Variants in TMEM131 observed in about 807,000 individuals in gnomAD.
TMEM131 encodes 2610524E03Rik.
Under a neutral mutation model 211.6 loss-of-function variants are expected in TMEM131, and 66 were observed. That is an observed-to-expected ratio of 0.31 (90% confidence interval 0.26 to 0.38). TMEM131 has a LOEUF of 0.38. Among genes scored for constraint, TMEM131 ranks in the 10% least tolerant of loss-of-function variants. The pLI is 1.00. For missense variants in TMEM131, 2,036 were observed against 2,299.3 expected, an observed-to-expected ratio of 0.89 and a Z score of 2.34; for synonymous variants, 844 against 841.3, an observed-to-expected ratio of 1.00 and a Z score of -0.06.
chr2:97,780,172 T>G (rs1252816485), intron 31 of TMEM131, among the ~76,000 whole-genome samples: 1 of 152,166 alleles, frequency 6.6e-6, no homozygotes, highest in East Asian at 1.9e-4. Context: ...AGGGCCTCAT[T>G]TCCTATTTCT....
At chr2:97,978,080 C>T (rs542256377) in intron 1 of TMEM131, among the ~76,000 whole-genome samples, 4 of 152,032 alleles carry the variant, frequency 2.6e-5, no homozygotes, top group Admixed American at 6.5e-5. Context: ...GAGCAAGACT[C>T]GGTCTTGGGG....
At chr2:97,827,559 T>C (rs1422006373) in intron 11 of TMEM131, 9 of 914,894 alleles carry the variant, frequency 9.8e-6, no homozygotes, top group Non-Finnish European at 1.7e-5. Context: ...AATAACCATA[T>C]ACCATGTCTT....
chr2:97,925,002 C>T lies in TMEM131; in HGVS notation c.249+2424G>A, dbSNP rs530297493. Among the ~76,000 whole-genome samples, 5 of 152,228 alleles carry T rather than the reference C, an allele frequency of 3.3e-5. No homozygotes were observed. In the East Asian group the frequency reaches 7.7e-4, roughly 24 times the overall value. ...TCAAGCGATCCTCCTGCCTCAGACA[C>T]CAGAGTAGCTGGGACCACAGGTGTG... On this transcript the variant is annotated intron_variant, in intron 2 of 40. Transcript: ENST00000186436.
At chr2:97,787,200 G>A (rs1349371000) in intron 31 of TMEM131, among the ~76,000 whole-genome samples, 1 of 152,156 alleles carries the variant, frequency 6.6e-6, no homozygotes, top group Admixed American at 6.5e-5. Flanking sequence ...CATTTACTTC[G>A]TCTTTATCTT....
chr2:97,841,688 C>T (rs1683203815), intron 7 of TMEM131, 127 bp downstream of exon 7: 14 of 1,081,866 alleles, frequency 1.3e-5, no homozygotes, highest in Non-Finnish European at 1.7e-5. Flanking sequence ...AAGTAATACC[C>T]CTCTCAATAC....
intron 1 of TMEM131, among the ~76,000 whole-genome samples, chr2:97,958,170 G>T (rs987674903): frequency 1.2e-4 from 18 of 152,206 alleles, no homozygotes; most frequent in Admixed American, 1.3e-4. Flanking sequence ...GCATTGAAGA[G>T]AATTAAGAAG....
At chr2:97,801,465 A>G (rs769491272) in intron 25 of TMEM131, among the ~76,000 whole-genome samples, 9 of 152,260 alleles carry the variant, frequency 5.9e-5, no homozygotes, top group Non-Finnish European at 1.2e-4. Context: ...TTACCATGCT[A>G]AATACAAACA....
chr2:97,785,002 T>C (rs1249023376), intron 31 of TMEM131, among the ~76,000 whole-genome samples: 1 of 152,144 alleles, frequency 6.6e-6, no homozygotes, highest in East Asian at 1.9e-4. Context: ...TTCACATAAA[T>C]GTGGTAACTT....
chr2:97,895,573 G>A (rs191139127), intron 3 of TMEM131, among the ~76,000 whole-genome samples: 9 of 152,144 alleles, frequency 5.9e-5, no homozygotes, highest in East Asian at 3.9e-4. Context: ...TCAGGGATTC[G>A]ACTCCTTCCT....
At chr2:97,973,934 C>T (rs558866043) in intron 1 of TMEM131, among the ~76,000 whole-genome samples, 8 of 152,124 alleles carry the variant, frequency 5.3e-5, no homozygotes, top group Non-Finnish European at 7.3e-5. Context: ...TATGGGAATA[C>T]AAAAATAGCA....
intron 1 of TMEM131, among the ~76,000 whole-genome samples, chr2:97,942,843 G>A (rs1406950481): frequency 6.6e-6 from 1 of 151,624 alleles, no homozygotes; most frequent in Non-Finnish European, 1.5e-5. Context: ...ACAAAAAACA[G>A]GCTGGGCATG....
chr2:97,758,921 C>A lies in TMEM131; in HGVS notation c.5339G>T (p.Ser1780Ile). Residue 1780 changes from serine (S) to isoleucine (I), a missense_variant, in exon 40 of 41, where the codon AGT becomes ATT. Physicochemically the swap from Ser to Ile is moderately radical, Grantham distance 142. Around this residue, in one of 3 missense-constraint regions of TMEM131, gnomAD observed 1,623 missense variants for 1,805.9 expected, o/e 0.90. Coordinates refer to ENST00000186436, the MANE Select transcript of TMEM131 (RefSeq NM_015348.2). ...GGCTGTGTGGGTCGGGGAGCCGGAA[C>A]TGGCTGGCCAGGAAGGACTGGGATC... The part of the protein sequence containing the change: ...ATDPSPSWPA[S>I]SGSPTHTATS... The A allele has an allele frequency of 6.2e-7, 1 of 1,613,492 alleles. No individual in the cohort carries two copies. Among genetic ancestry groups the A allele is most frequent in the South Asian group, 1.1e-5 (1 of 91,050 alleles).
intron 7 of TMEM131, among the ~76,000 whole-genome samples, chr2:97,839,489 A>T (rs935346956): frequency 2.6e-5 from 4 of 152,248 alleles, no homozygotes; most frequent in Non-Finnish European, 5.9e-5. Flanking sequence ...AACCTGACAC[A>T]TTCTTTATTT....
intron 19 of TMEM131, among the ~76,000 whole-genome samples, chr2:97,808,842 AGAG>A (rs1681426331): frequency 6.6e-6 from 1 of 152,202 alleles, no homozygotes; most frequent in Non-Finnish European, 1.5e-5. Context: ...AAATCTTCAG[AGAG>A]GAGATGACAA....
intron 31 of TMEM131, among the ~76,000 whole-genome samples, chr2:97,785,033 T>C (rs1218366271): frequency 1.3e-5 from 2 of 152,168 alleles, no homozygotes; most frequent in Non-Finnish European, 2.9e-5. Flanking sequence ...ATGGACCACT[T>C]GATTAAAAAA....
At chr2:97,934,787 G>A (rs1215206133) in intron 1 of TMEM131, among the ~76,000 whole-genome samples, 1 of 152,126 alleles carries the variant, frequency 6.6e-6, no homozygotes, top group African/African-American at 2.4e-5. Context: ...TAGCACAGAA[G>A]CAATGAGACA....
At chr2:97,980,205 C>T (rs1274845062) in intron 1 of TMEM131, among the ~76,000 whole-genome samples, 2 of 152,064 alleles carry the variant, frequency 1.3e-5, no homozygotes, top group African/African-American at 2.4e-5. Context: ...CTGAAAAAGC[C>T]TGAAATATTG....
At chr2:97,827,936 T>C (rs1682477142) in intron 11 of TMEM131, among the ~76,000 whole-genome samples, 1 of 152,152 alleles carries the variant, frequency 6.6e-6, no homozygotes, top group Admixed American at 6.6e-5. Context: ...ATTACTTCTA[T>C]TACCATGTTG....
chr2:97,980,860 A>G (rs1403735134), intron 1 of TMEM131, among the ~76,000 whole-genome samples: 1 of 151,952 alleles, frequency 6.6e-6, no homozygotes, highest in East Asian at 1.9e-4. Flanking sequence ...ACATTCTCAA[A>G]AAGAGAAAAT....
Sources: allele counts gnomAD v4.1 joint callset (sites outside exome capture counted in the v4.1 genomes callset), GRCh38; gene constraint gnomAD v4.1.1; regional missense constraint gnomAD v4.1.1; transcripts MANE v1.5; gene names NCBI Gene and HGNC (gene_info 2026-07-23, HGNC 2026-07-21).